Variants in RPS20 observed in about 807,000 individuals in gnomAD.
The protein encoded by RPS20 is small ribosomal subunit protein uS10.
A neutral mutation model predicts 15.3 loss-of-function variants in RPS20; 3 were observed. That is an observed-to-expected ratio of 0.20 (90% CI 0.09 to 0.51). The LOEUF (loss-of-function observed/expected upper bound fraction) is 0.51, where lower values mean the gene tolerates loss of function less well. Ranked by LOEUF, RPS20 falls within the 20% of genes least tolerant of loss-of-function variation. The probability of loss-of-function intolerance (pLI) is 0.96; values close to 1 mark genes in which losing one functional copy is unlikely to be tolerated. For missense variants in RPS20, 67 were observed against 145.9 expected (o/e 0.46, Z 2.79); for synonymous variants, 62 against 47.8 (o/e 1.30, Z -1.23).
downstream of RPS20, among the ~76,000 whole-genome samples, chr8:56,071,247 T>A (rs996845261): frequency 6.6e-6 from 1 of 152,204 alleles, no homozygotes; most frequent in East Asian, 1.9e-4. Flanking sequence ...TGGACTTTAG[T>A]GACATTTTTT....
At chr8:56,069,725 G>T, downstream of RPS20, 1 of 1,551,116 alleles carries the variant, frequency 6.4e-7, no homozygotes, top group Non-Finnish European at 8.7e-7. Context: ...TTTTTTGGCG[G>T]AGGAGAATGC....
At chr8:56,071,087 A>T (rs1446500369), downstream of RPS20, among the ~76,000 whole-genome samples, 1 of 152,256 alleles carries the variant, frequency 6.6e-6, no homozygotes, top group Non-Finnish European at 1.5e-5. Context: ...GCTGTAATAC[A>T]GGTTCTCAAT....
At chr8:56,072,807 C>T, downstream of RPS20, 2 of 1,050,334 alleles carry the variant, frequency 1.9e-6, no homozygotes, top group South Asian at 3.7e-5. Flanking sequence ...GAAACCTTAA[C>T]ACCCCATACC....
At chr8:56,069,217 T>G (rs1407121664), downstream of RPS20, among the ~76,000 whole-genome samples, 1 of 152,012 alleles carries the variant, frequency 6.6e-6, no homozygotes, top group African/African-American at 2.4e-5. Flanking sequence ...AAATAAGGAT[T>G]GATTTTGCGC....
At chr8:56,072,697 T>A (rs1264035869), downstream of RPS20, 2 of 186,704 alleles carry the variant, frequency 1.1e-5, no homozygotes, top group African/African-American at 4.8e-5. Flanking sequence ...TTTAAGGACG[T>A]TAAACTTGGT....
In RPS20 at chr8:56,073,954, T is replaced by C. The variant is rs866299798; in HGVS notation, c.103+106A>G. 4 of 1,161,746 alleles carry C rather than the reference T, an allele frequency of 3.4e-6. No homozygotes were observed. In the Middle Eastern group the frequency reaches 5.7e-4, roughly 167 times the overall value. 72.0% of individuals were successfully genotyped at this position (1,161,746 alleles called of 1,614,324 possible). ...GCCACGCTTTACTTTTTTAAGTAAC[T>C]TGTCACTTTAGTTCTTGCAGTCCAC... On this transcript the variant is annotated intron_variant, in intron 2 of 3. Coordinates refer to ENST00000009589, the MANE Select transcript of RPS20 (RefSeq NM_001023.4).
At chr8:56,073,818 C>T in intron 2 of RPS20, 50 bp from the exon 3 acceptor site, 1 of 1,531,206 alleles carries the variant, frequency 6.5e-7, no homozygotes, top group Non-Finnish European at 9.1e-7. Flanking sequence ...TTAAAATCGG[C>T]TTAAGGCCTT....
At chr8:56,073,965 G>A in intron 2 of RPS20, 95 bp downstream of exon 2, 4 of 1,189,472 alleles carry the variant, frequency 3.4e-6, no homozygotes. Flanking sequence ...TGTCACTTTA[G>A]TTCTTGCAGT....
At chr8:56,070,524 A>T (rs763235895), downstream of RPS20, among the ~76,000 whole-genome samples, 1 of 152,040 alleles carries the variant, frequency 6.6e-6, no homozygotes, top group Non-Finnish European at 1.5e-5. Flanking sequence ...TCGCCTGAGC[A>T]TAGGAGTTTG....
downstream of RPS20, among the ~76,000 whole-genome samples, chr8:56,072,523 G>A (rs1316592585): frequency 6.7e-6 from 1 of 149,904 alleles, no homozygotes. Context: ...CTGCACTCCA[G>A]CCTGGGCCAC....
intron 1 of RPS20, 93 bp from the exon 2 acceptor site, chr8:56,074,252 A>G: frequency 6.6e-7 from 1 of 1,526,374 alleles, no homozygotes. Flanking sequence ...GCGTTTCCCC[A>G]CCATTTCAGG....
Position 56,073,263 on chromosome 8 carries a change from T to C in RPS20, c.187A>G (p.Ile63Val), listed in dbSNP as rs1222368533. The change falls in exon 4 of 4, where the codon ATC (isoleucine) becomes GTC (valine). Residue 63 changes from isoleucine to valine, a missense_variant. Coordinates refer to ENST00000009589, the MANE Select transcript of RPS20 (RefSeq NM_001023.4). ...CCACAAGGAGTTTTTCTTGTAGTGA[T>C]TCTCAAAGTCTGTAACAAAAGACAA... ...PVRMPTKTLR[I>V]TTRKTPCGEG... 1 of 1,603,134 alleles carries C rather than the reference T, an allele frequency of 6.2e-7. No individual in the cohort carries two copies. The highest frequency in any genetic ancestry group is 8.5e-7 in the Non-Finnish European group (1 of 1,173,370).
chr8:56,074,313 C>T, intron 1 of RPS20, 68 bp downstream of exon 1: 1 of 1,548,146 alleles, frequency 6.5e-7, no homozygotes, highest in Non-Finnish European at 8.7e-7. Flanking sequence ...GGAGCACGAA[C>T]TCGAAACCGG....
intron 3 of RPS20, 106 bp downstream of exon 3, chr8:56,073,589 G>C (rs901931659): frequency 1.0e-5 from 9 of 880,970 alleles, no homozygotes; most frequent in Admixed American, 7.1e-5. Context: ...TGCGTTTGTA[G>C]ACAGCATCAG....
At chr8:56,070,669 C>A (rs559922340), downstream of RPS20, among the ~76,000 whole-genome samples, 5 of 150,848 alleles carry the variant, frequency 3.3e-5, no homozygotes, top group South Asian at 4.2e-4. Flanking sequence ...TTGAAGGCTG[C>A]AGCGAGCCAT....
downstream of RPS20, among the ~76,000 whole-genome samples, chr8:56,072,093 C>T (rs1225801425): frequency 1.3e-5 from 2 of 152,010 alleles, no homozygotes; most frequent in Non-Finnish European, 2.9e-5. Context: ...AAACAATTAG[C>T]TGGGCATGGT....
exon 6 of RPS20, chr8:56,067,546 T>G (rs1285229579): frequency 6.6e-6 from 1 of 151,348 alleles, no homozygotes; most frequent in African/African-American, 2.4e-5. Context: ...ATTAGCCGGG[T>G]TTAGTGGTGG....
At chr8:56,070,988 G>T (rs369274502), downstream of RPS20, among the ~76,000 whole-genome samples, 1 of 152,142 alleles carries the variant, frequency 6.6e-6, no homozygotes, top group Non-Finnish European at 1.5e-5. Context: ...TATATTCAAA[G>T]GCCCTGCAGT....
chr8:56,073,994 T>G (rs1027443475), intron 2 of RPS20, 66 bp downstream of exon 2: 44 of 1,307,034 alleles, frequency 3.4e-5, no homozygotes, highest in Non-Finnish European at 4.4e-5. Context: ...TACACTAACA[T>G]TAACGAGTAA....
Sources: allele counts gnomAD v4.1 joint callset (sites outside exome capture counted in the v4.1 genomes callset), GRCh38; gene constraint gnomAD v4.1.1; transcripts MANE v1.5; gene names NCBI Gene and HGNC (gene_info 2026-07-23, HGNC 2026-07-21).